Variants in SVIL observed in about 807,000 individuals in gnomAD.
SVIL encodes supervillin, also known as archvillin.
A neutral mutation model predicts 240.4 loss-of-function variants in SVIL; 101 were observed. The observed-to-expected ratio is 0.42, with a 90% CI of 0.36 to 0.50. The LOEUF is 0.50. Among genes scored for constraint, SVIL ranks in the 20% least tolerant of loss-of-function variants. SVIL has a pLI of 0.01. For synonymous variants in SVIL, 999 were observed against 1,100.0 expected, an observed-to-expected ratio of 0.91 and a Z score of 1.82; for missense variants, 2,512 against 2,818.7, an observed-to-expected ratio of 0.89 and a Z score of 2.46.
rs538253105 is a variant in SVIL at position 29,541,282 on chromosome 10, G to A, written c.828-5213C>T. Among the ~76,000 whole-genome samples, 4 of 152,248 alleles carry A rather than the reference G, an allele frequency of 2.6e-5. No homozygotes were observed. In the South Asian group the frequency reaches 8.3e-4, roughly 32 times the overall value. ...GTTGAACACAGGATACTTACTGTGAGGCTATACCAGTCTTTGCACATGCGG... is the reference window on the plus strand; with the variant it reads ...GTTGAACACAGGATACTTACTGTGAAGCTATACCAGTCTTTGCACATGCGG... On this transcript the variant is annotated intron_variant, in intron 6 of 37. Transcript: ENST00000355867.
At chr10:29,710,395 A>G (rs1485466893) in intron 1 of SVIL, among the ~76,000 whole-genome samples, 1 of 152,120 alleles carries the variant, frequency 6.6e-6, no homozygotes, top group Non-Finnish European at 1.5e-5. Flanking sequence ...TTTTCCTTTT[A>G]GTAGTTAATC....
chr10:29,679,886 A>G (rs1233058716), intron 2 of SVIL, among the ~76,000 whole-genome samples: 1 of 151,968 alleles, frequency 6.6e-6, no homozygotes, highest in Admixed American at 6.6e-5. Context: ...AAAATTAGAA[A>G]AAAAAAAAAG....
chr10:29,709,867 G>C lies in SVIL; in HGVS notation c.-399-23216C>G, dbSNP rs151054611. On this transcript the variant is annotated intron_variant, in intron 1 of 35. Coordinates refer to the SVIL transcript ENST00000375400. ...GTTTCTAGCAGTTTTTTAAACACCA[G>C]AGCAGGCGGTATCCCACATGGGCTA... Among the ~76,000 whole-genome samples, 506 of 152,184 alleles carry C rather than the reference G, an allele frequency of 3.3e-3. 4 individuals carry two copies. Among genetic ancestry groups the C allele is most frequent in the African/African-American group, 0.01 (430 of 41,532 alleles).
Position 29,495,172 on chromosome 10 carries a change from G to A in SVIL, c.3674C>T (p.Ser1225Leu). The change falls in exon 19 of 38, where the codon TCA becomes TTA. Residue 1225 changes from serine to leucine, a missense_variant. Physicochemically the swap from Ser to Leu is moderately radical, Grantham distance 145 (BLOSUM62 -2). Around this residue, in one of 3 missense-constraint regions of SVIL, gnomAD observed 272 missense variants for 406.8 expected, o/e 0.67. Coordinates refer to ENST00000355867, the MANE Select transcript of SVIL (RefSeq NM_021738.3). ...AGRMVKKGLA[S>L]PTAITPVASP... Reference sequence around the variant, plus strand: ...GGCTACTGGGGTTATGGCAGTAGGTGACGCCAAACCTGTGGAACACACAGA... The same window carrying A: ...GGCTACTGGGGTTATGGCAGTAGGTAACGCCAAACCTGTGGAACACACAGA... 2.0e-6 allele frequency: 3 copies of A among 1,492,134 alleles called. No individual in the cohort carries two copies. The highest frequency in any genetic ancestry group is 2.8e-6 in the Non-Finnish European group (3 of 1,081,992). The allele number at this position is 1,492,134 out of a possible 1,614,324, so 92.4% of individuals were successfully genotyped here. A position where few individuals can be genotyped will look rare whatever the true frequency, so the allele number is the denominator to read the frequency against.
Position 29,497,172 on chromosome 10 carries a change from C to T in SVIL, c.3664+1944G>A, listed in dbSNP as rs186415306. Among the ~76,000 whole-genome samples the T allele has an allele frequency of 8.5e-5, 13 of 152,336 alleles. No homozygotes were observed. In the East Asian group the frequency reaches 1.7e-3, roughly 20 times the overall value. On this transcript the variant is annotated intron_variant, in intron 18 of 37. Transcript: ENST00000355867. ...TTAATCACCATTCAGGGATTTCCCACGTCTCGCTCCTTCCCTTCCTTCTAC... is the reference window on the plus strand; with the variant it reads ...TTAATCACCATTCAGGGATTTCCCATGTCTCGCTCCTTCCCTTCCTTCTAC...
chr10:29,707,531 G>A (rs1303185497), intron 1 of SVIL, among the ~76,000 whole-genome samples: 1 of 152,040 alleles, frequency 6.6e-6, no homozygotes, highest in Non-Finnish European at 1.5e-5. Flanking sequence ...CCATTAATTT[G>A]CCCTTAAACC....
chr10:29,479,240 C>T (rs942537196), intron 29 of SVIL, among the ~76,000 whole-genome samples: 4 of 152,174 alleles, frequency 2.6e-5, no homozygotes, highest in East Asian at 1.9e-4. Context: ...ACTCTCTGCC[C>T]GCAGAGCGGT....
intron 8 of SVIL, 66 bp downstream of exon 8, chr10:29,532,463 G>A (rs1951439349): frequency 1.3e-6 from 2 of 1,544,414 alleles, no homozygotes; most frequent in Non-Finnish European, 1.7e-6. Context: ...CACAGGTCGA[G>A]GAGTGAATCA....
intron 1 of SVIL, among the ~76,000 whole-genome samples, chr10:29,593,554 C>G (rs868725947): frequency 6.6e-6 from 1 of 152,168 alleles, no homozygotes; most frequent in South Asian, 2.1e-4. Context: ...GTTATCAAAA[C>G]CCAGATACAT....
Position 29,463,451 on chromosome 10 carries a change from C to T in SVIL, c.6277+41G>A, listed in dbSNP as rs757096119. The T allele has an allele frequency of 1.9e-6, 3 of 1,592,946 alleles. No homozygotes were observed. In the East Asian group the frequency reaches 6.8e-5, roughly 36 times the overall value. On this transcript the variant is annotated intron_variant, in intron 35 of 37. Transcript: ENST00000355867. ...GGCTGCGCATGCCTGAGGGGCTTCCCCATCTGTTCCGTGCTGCAGGCATGT... is the reference window on the plus strand; with the variant it reads ...GGCTGCGCATGCCTGAGGGGCTTCCTCATCTGTTCCGTGCTGCAGGCATGT...
Position 29,470,466 on chromosome 10 carries a change from A to G in SVIL, c.5653T>C (p.Cys1885Arg). The change falls in exon 32 of 38, where the codon TGC (cysteine) becomes CGC (arginine). Residue 1885 changes from cysteine (C) to arginine (R), a missense_variant. Transcript: ENST00000355867. ...ENVQSEWRLY[C>R]VRGEVPVEGN... is the part of the protein sequence containing the mutation. ...TCCACGGGCACCTCTCCACGCACGC[A>G]GTACAGCCGCCACTCACCTGCAGGG... is the stretch of plus-strand genomic sequence containing the variant. 6.2e-7 allele frequency: 1 copy of G among 1,613,446 alleles called. No homozygotes were observed. The highest frequency in any genetic ancestry group is 8.5e-7 in the Non-Finnish European group (1 of 1,179,970).
chr10:29,513,983 TAA>T lies in SVIL; in HGVS notation c.3390-1124_3390-1123del, dbSNP rs35208566. On this transcript the variant is annotated intron_variant, in intron 16 of 37. Coordinates refer to ENST00000355867, the MANE Select transcript of SVIL (RefSeq NM_021738.3). ...AAACAAACATGGGAAAGATAAAAGGTAAAAAAAAAAAAAAAAGGTGGTGATCA... is the reference window on the plus strand; with the variant it reads ...AAACAAACATGGGAAAGATAAAAGGTAAAAAAAAAAAAAAGGTGGTGATCA... Among the ~76,000 whole-genome samples the T allele has an allele frequency of 5.3e-3, 671 of 127,034 alleles. 5 individuals are homozygous for T. The highest frequency in any genetic ancestry group is 0.014 in the African/African-American group (503 of 35,772). 83.3% of individuals were successfully genotyped at this position (127,034 alleles called of 152,430 possible). A position where few individuals can be genotyped will look rare whatever the true frequency, so the allele number is the denominator to read the frequency against.
intron 36 of SVIL, 124 bp downstream of exon 36, chr10:29,462,153 T>C: frequency 1.6e-6 from 2 of 1,262,844 alleles, no homozygotes; most frequent in Non-Finnish European, 2.2e-6. Flanking sequence ...TTTGTTAAGA[T>C]GTTGCAAAAG....
intron 29 of SVIL, among the ~76,000 whole-genome samples, chr10:29,476,852 G>T (rs566005052): frequency 8.6e-5 from 13 of 151,922 alleles, no homozygotes; most frequent in Non-Finnish European, 1.9e-4. Context: ...ATTTTTAGTA[G>T]TAAGAACTTC....
chr10:29,603,882 C>T (rs890178351), intron 1 of SVIL, among the ~76,000 whole-genome samples: 10 of 152,112 alleles, frequency 6.6e-5, no homozygotes, highest in African/African-American at 1.4e-4. Context: ...GGACTTGATC[C>T]GCAAAGGTGA....
intron 32 of SVIL, among the ~76,000 whole-genome samples, chr10:29,469,965 C>A (rs1476760892): frequency 6.6e-6 from 1 of 152,208 alleles, no homozygotes; most frequent in Non-Finnish European, 1.5e-5. Context: ...CCAGGCTTCT[C>A]ATCCAAAAGC....
chr10:29,460,271 G>T (rs1018495108), intron 36 of SVIL, among the ~76,000 whole-genome samples: 1 of 152,150 alleles, frequency 6.6e-6, no homozygotes, highest in Non-Finnish European at 1.5e-5. Context: ...GAGAAAATCA[G>T]TGTAAAGTGC....
At chr10:29,492,017 G>T (rs770043957) in intron 21 of SVIL, among the ~76,000 whole-genome samples, 38 of 152,180 alleles carry the variant, frequency 2.5e-4, no homozygotes, top group Non-Finnish European at 5.1e-4. Flanking sequence ...AATGGTATAT[G>T]TCACTGACAA....
intron 1 of SVIL, among the ~76,000 whole-genome samples, chr10:29,696,692 G>A (rs1962052259): frequency 6.7e-6 from 1 of 149,120 alleles, no homozygotes; most frequent in Non-Finnish European, 1.5e-5. Flanking sequence ...CCCCGTCTGA[G>A]AAGTGAGGAG....
Sources: allele counts gnomAD v4.1 joint callset (sites outside exome capture counted in the v4.1 genomes callset), GRCh38; gene constraint gnomAD v4.1.1; regional missense constraint gnomAD v4.1.1; transcripts MANE v1.5; gene names NCBI Gene and HGNC (gene_info 2026-07-23, HGNC 2026-07-21).